PLCB4: variants seen among roughly 807,000 people sequenced by gnomAD.
The protein encoded by PLCB4 is 1-phosphatidylinositol 4,5-bisphosphate phosphodiesterase beta-4.
Under a neutral mutation model 178.8 loss-of-function variants are expected in PLCB4, and 77 were observed. The observed-to-expected ratio is 0.43, with a 90% CI of 0.36 to 0.52. The LOEUF (loss-of-function observed/expected upper bound fraction) is 0.52, where lower values mean the gene tolerates loss of function less well. Among genes scored for constraint, PLCB4 ranks in the 20% least tolerant of loss-of-function variants. PLCB4 has a pLI of 0.00. For missense variants in PLCB4, 1,024 were observed against 1,453.4 expected (o/e 0.70, Z 4.80); for synonymous variants, 496 against 490.8 (o/e 1.01, Z -0.14).
chr20:9,108,968 G>A (rs941815369), intron 2 of PLCB4, among the ~76,000 whole-genome samples: 1 of 151,806 alleles, frequency 6.6e-6, no homozygotes, highest in African/African-American at 2.4e-5. Flanking sequence ...AGGTTGCATA[G>A]GAAAAACCAG....
chr20:9,439,884 A>G (rs1237621876), intron 30 of PLCB4, among the ~76,000 whole-genome samples: 2 of 152,250 alleles, frequency 1.3e-5, no homozygotes, highest in Non-Finnish European at 2.9e-5. Flanking sequence ...AGCAATCACA[A>G]AAGTCAGTAA....
At chr20:9,269,288 C>G (rs958668706) in intron 3 of PLCB4, among the ~76,000 whole-genome samples, 1 of 152,102 alleles carries the variant, frequency 6.6e-6, no homozygotes, top group African/African-American at 2.4e-5. Flanking sequence ...GCTATGACCT[C>G]CCACAGCTAA....
intron 1 of PLCB4, among the ~76,000 whole-genome samples, chr20:9,088,025 C>G (rs934851650): frequency 2.0e-5 from 3 of 152,210 alleles, no homozygotes; most frequent in African/African-American, 7.2e-5. Flanking sequence ...TCTACTTCTA[C>G]TGGGGCTCTG....
chr20:9,257,887 A>G (rs185112832), intron 3 of PLCB4, among the ~76,000 whole-genome samples: 5 of 152,262 alleles, frequency 3.3e-5, no homozygotes, highest in South Asian at 4.1e-4. Flanking sequence ...ACAGACTCCT[A>G]TGAAAAGGAG....
At chr20:9,372,477 C>G in intron 11 of PLCB4, 74 bp downstream of exon 11, 2 of 729,658 alleles carry the variant, frequency 2.7e-6, no homozygotes, top group Non-Finnish European at 4.7e-6. Flanking sequence ...ACGTTTTTGT[C>G]CTATTTTAAT....
At chr20:9,249,270 C>T (rs952196657) in intron 3 of PLCB4, among the ~76,000 whole-genome samples, 14 of 151,742 alleles carry the variant, frequency 9.2e-5, no homozygotes, top group Non-Finnish European at 1.5e-4. Context: ...GTGCACAACA[C>T]GCAGGTTTGT....
intron 10 of PLCB4, 110 bp downstream of exon 10, chr20:9,371,405 T>C (rs988618586): frequency 1.6e-6 from 1 of 616,998 alleles, no homozygotes; most frequent in South Asian, 2.2e-5. Context: ...GATTTGGAAT[T>C]ATATGTCAGT....
chr20:9,383,609 A>T (rs557729887), intron 13 of PLCB4, among the ~76,000 whole-genome samples: 1 of 152,208 alleles, frequency 6.6e-6, no homozygotes, highest in African/African-American at 2.4e-5. Context: ...ACCACTGTAT[A>T]CTCTTCTCAC....
At chr20:9,276,291 T>C (rs559174014) in intron 3 of PLCB4, among the ~76,000 whole-genome samples, 9 of 152,092 alleles carry the variant, frequency 5.9e-5, no homozygotes, top group Admixed American at 2.6e-4. Flanking sequence ...AAGGACGAAA[T>C]CACCAAGAGG....
intron 14 of PLCB4, among the ~76,000 whole-genome samples, chr20:9,387,009 A>G (rs957796603): frequency 2.6e-5 from 4 of 151,346 alleles, no homozygotes; most frequent in African/African-American, 9.7e-5. Context: ...CTCATGCCTT[A>G]GCCTCCCAGG....
chr20:9,301,074 G>C (rs1269455541), intron 3 of PLCB4, among the ~76,000 whole-genome samples: 1 of 151,034 alleles, frequency 6.6e-6, no homozygotes, highest in Non-Finnish European at 1.5e-5. Context: ...CTCCGTAGTC[G>C]CATTTCCTCC....
At chr20:9,395,282 T>C (rs1159496403) in intron 18 of PLCB4, among the ~76,000 whole-genome samples, 1 of 152,212 alleles carries the variant, frequency 6.6e-6, no homozygotes, top group African/African-American at 2.4e-5. Flanking sequence ...ATTTCACCCA[T>C]GTCCCCGCAA....
chr20:9,094,524 A>G (rs1355511879), intron 1 of PLCB4, among the ~76,000 whole-genome samples: 1 of 152,170 alleles, frequency 6.6e-6, no homozygotes, highest in Non-Finnish European at 1.5e-5. Context: ...GAACATTTAA[A>G]AAACTTTTTA....
intron 35 of PLCB4, among the ~76,000 whole-genome samples, chr20:9,465,463 G>T (rs1229500010): frequency 6.6e-6 from 1 of 152,150 alleles, no homozygotes; most frequent in Admixed American, 6.6e-5. Flanking sequence ...GAAATAAAGG[G>T]TATTCATTTA....
At chr20:9,220,234 C>A (rs1042369222) in intron 3 of PLCB4, among the ~76,000 whole-genome samples, 5 of 152,146 alleles carry the variant, frequency 3.3e-5, no homozygotes, top group Non-Finnish European at 7.3e-5. Context: ...AGTAAACAAC[C>A]CTTGATAACT....
intron 32 of PLCB4, among the ~76,000 whole-genome samples, chr20:9,450,661 T>TTC (rs1339657670): frequency 3.6e-5 from 5 of 140,370 alleles, no homozygotes; most frequent in South Asian, 2.3e-4. Context: ...TTCTTTTCTT[T>TTC]TTTTTTTTTT....
At chr20:9,374,396 TAA>T (rs2036503463) in intron 12 of PLCB4, among the ~76,000 whole-genome samples, 1 of 152,240 alleles carries the variant, frequency 6.6e-6, no homozygotes. Context: ...GCTCAGAAGT[TAA>T]ATTGCTTTGT....
intron 2 of PLCB4, among the ~76,000 whole-genome samples, chr20:9,156,683 T>G (rs150709575): frequency 2.4e-4 from 36 of 152,282 alleles, no homozygotes; most frequent in African/African-American, 7.9e-4. Context: ...TTCAGGTACA[T>G]TTGACATTCA....
intron 3 of PLCB4, among the ~76,000 whole-genome samples, chr20:9,301,385 C>A (rs1323738145): frequency 6.6e-6 from 1 of 151,842 alleles, no homozygotes; most frequent in Non-Finnish European, 1.5e-5. Context: ...ACAAAAAATT[C>A]CTTGTGAAAG....
Sources: gnomAD v4.1 joint callset for allele counts (sites outside exome capture counted in the v4.1 genomes callset) on GRCh38, gnomAD v4.1.1 for gene constraint, MANE v1.5 for transcripts, NCBI Gene and HGNC (gene_info 2026-07-23, HGNC 2026-07-21) for gene names.